TRHDE: variants seen among roughly 807,000 people sequenced by gnomAD.
The protein encoded by TRHDE is thyrotropin releasing hormone degrading enzyme, also known as thyrotropin-releasing hormone-degrading ectoenzyme.
Under a neutral mutation model 125.7 loss-of-function variants are expected in TRHDE, and 72 were observed. The ratio of observed to expected loss-of-function variants is 0.57; its 90% CI spans 0.47 to 0.70. The LOEUF (loss-of-function observed/expected upper bound fraction) is 0.70. TRHDE is among the 30% of genes least tolerant of loss of function. The probability of loss-of-function intolerance (pLI) is 0.00; values close to 1 mark genes in which losing one functional copy is unlikely to be tolerated. For missense variants in TRHDE, 1,110 were observed against 1,327.1 expected, an observed-to-expected ratio of 0.84 and a Z score of 2.54; for synonymous variants, 509 against 509.1, an observed-to-expected ratio of 1.00 and a Z score of 0.00.
At chr12:72,443,007 A>G (rs1390541601) in intron 3 of TRHDE, among the ~76,000 whole-genome samples, 1 of 151,616 alleles carries the variant, frequency 6.6e-6, no homozygotes, top group African/African-American at 2.4e-5. Context: ...ATTCTCTTGC[A>G]CTCTTCATTG....
intron 1 of TRHDE, among the ~76,000 whole-genome samples, chr12:72,092,297 G>T (rs1006180926): frequency 1.3e-5 from 2 of 152,108 alleles, no homozygotes; most frequent in African/African-American, 4.8e-5. Flanking sequence ...TTCTGGAATT[G>T]CCTTTAAAGG....
intron 2 of TRHDE, chr12:72,255,541 A>G (rs1415396364): frequency 2.0e-5 from 3 of 152,248 alleles, no homozygotes; most frequent in Non-Finnish European, 4.4e-5. Flanking sequence ...AGGAACCTGG[A>G]AAGGCAGCCC....
intron 2 of TRHDE, among the ~76,000 whole-genome samples, chr12:72,118,310 T>C (rs1487601691): frequency 6.6e-6 from 1 of 152,178 alleles, no homozygotes; most frequent in African/African-American, 2.4e-5. Context: ...TTTGAAATGA[T>C]CATATAGTTT....
chr12:72,231,984 A>G (rs897412550), intron 2 of TRHDE, among the ~76,000 whole-genome samples: 7 of 152,182 alleles, frequency 4.6e-5, no homozygotes, highest in Non-Finnish European at 8.8e-5. Flanking sequence ...GAATAAAATG[A>G]ATTTGTAAAT....
intron 2 of TRHDE, among the ~76,000 whole-genome samples, chr12:72,135,032 TAAAAAAA>T (rs139578075): frequency 1.4e-5 from 2 of 146,922 alleles, no homozygotes; most frequent in African/African-American, 5.0e-5. Context: ...AAAACACTAT[TAAAAAAA>T]AAAGAAAAAA....
At chr12:72,403,730 C>G (rs577081194) in intron 3 of TRHDE, among the ~76,000 whole-genome samples, 1 of 152,140 alleles carries the variant, frequency 6.6e-6, no homozygotes, top group Non-Finnish European at 1.5e-5. Context: ...AAATAAGATT[C>G]TGGAATGATG....
intron 6 of TRHDE, among the ~76,000 whole-genome samples, chr12:72,515,029 G>T (rs1159651324): frequency 4.8e-5 from 7 of 144,974 alleles, no homozygotes; most frequent in Admixed American, 4.1e-4. Context: ...TCTTAATCCA[G>T]TCTATCATTG....
chr12:72,627,080 A>T (rs1421510951), intron 15 of TRHDE, among the ~76,000 whole-genome samples: 1 of 151,958 alleles, frequency 6.6e-6, no homozygotes, highest in Non-Finnish European at 1.5e-5. Context: ...AATAGCAAAA[A>T]GAACAGGGCT....
upstream of TRHDE, among the ~76,000 whole-genome samples, chr12:72,268,337 T>C (rs1879114209): frequency 6.6e-6 from 1 of 152,146 alleles, no homozygotes; most frequent in Non-Finnish European, 1.5e-5. Flanking sequence ...TTTAACTGAA[T>C]TATTTTTTGC....
chr12:72,538,988 T>C (rs1198642240), intron 6 of TRHDE, among the ~76,000 whole-genome samples: 3 of 151,852 alleles, frequency 2.0e-5, no homozygotes, highest in Non-Finnish European at 2.9e-5. Flanking sequence ...TGTCTTTCCA[T>C]ATAAACTTCC....
chr12:72,104,033 G>A (rs1875126367), intron 1 of TRHDE, among the ~76,000 whole-genome samples: 1 of 152,160 alleles, frequency 6.6e-6, no homozygotes. Flanking sequence ...GTCTGGAGGA[G>A]TGGTTTTCTG....
chr12:72,403,067 G>A (rs1873114269), intron 3 of TRHDE, among the ~76,000 whole-genome samples: 1 of 152,108 alleles, frequency 6.6e-6, no homozygotes, highest in African/African-American at 2.4e-5. Flanking sequence ...ATGGGCACTG[G>A]GGCAACAGAG....
intron 15 of TRHDE, among the ~76,000 whole-genome samples, chr12:72,648,863 G>A (rs1055622606): frequency 5.9e-5 from 9 of 151,930 alleles, no homozygotes; most frequent in African/African-American, 2.2e-4. Flanking sequence ...AAAAATGTAT[G>A]TACTAAAATC....
chr12:72,120,986 CT>C (rs1169715310), intron 2 of TRHDE, among the ~76,000 whole-genome samples: 1 of 151,920 alleles, frequency 6.6e-6, no homozygotes, highest in African/African-American at 2.4e-5. Flanking sequence ...CCCTCTTTAA[CT>C]TTTTGTTGTT....
intron 2 of TRHDE, among the ~76,000 whole-genome samples, chr12:72,231,562 G>A (rs1878246368): frequency 6.6e-6 from 1 of 152,154 alleles, no homozygotes; most frequent in East Asian, 1.9e-4. Context: ...GTTTTTCTTA[G>A]AGCCCAGAAA....
At chr12:72,123,790 A>C (rs909615226) in intron 2 of TRHDE, among the ~76,000 whole-genome samples, 7 of 152,130 alleles carry the variant, frequency 4.6e-5, no homozygotes, top group African/African-American at 1.7e-4. Flanking sequence ...GATATTGAAC[A>C]TTTCCATTAT....
At chr12:72,420,670 G>T (rs868281395) in intron 3 of TRHDE, among the ~76,000 whole-genome samples, 1 of 152,018 alleles carries the variant, frequency 6.6e-6, no homozygotes, top group South Asian at 2.1e-4. Context: ...AGAGTTTAGG[G>T]AATAAAACCA....
intron 1 of TRHDE, among the ~76,000 whole-genome samples, chr12:72,096,040 C>G (rs1874908044): frequency 6.6e-6 from 1 of 151,802 alleles, no homozygotes; most frequent in African/African-American, 2.4e-5. Flanking sequence ...CTCACTGAGT[C>G]TCCAGTGTGA....
chr12:72,556,324 T>C (rs1490791114), intron 7 of TRHDE, among the ~76,000 whole-genome samples: 1 of 152,208 alleles, frequency 6.6e-6, no homozygotes, highest in African/African-American at 2.4e-5. Context: ...AAGGAAATTA[T>C]CTGAAGGATA....
Sources: allele counts gnomAD v4.1 joint callset (sites outside exome capture counted in the v4.1 genomes callset), GRCh38; gene constraint gnomAD v4.1.1; transcripts MANE v1.5; gene names NCBI Gene and HGNC (gene_info 2026-07-23, HGNC 2026-07-21).